RGS7: variants seen among roughly 807,000 people sequenced by gnomAD.
The protein encoded by RGS7 is regulator of G protein signaling 7.
RGS7 carries 27 observed loss-of-function variants against 81.1 expected under a neutral mutation model. The ratio of observed to expected loss-of-function variants is 0.33; its 90% confidence interval spans 0.25 to 0.46. The LOEUF is 0.46. Ranked by LOEUF, RGS7 falls within the 20% of genes least tolerant of loss-of-function variation. RGS7 has a pLI of 1.00. For missense variants in RGS7, 396 were observed against 607.4 expected (o/e 0.65, Z 3.66); for synonymous variants, 208 against 207.7 (o/e 1.00, Z -0.01).
chr1:240,793,617 T>A (rs1380691354), intron 18 of RGS7, among the ~76,000 whole-genome samples: 10 of 101,968 alleles, frequency 9.8e-5, no homozygotes, highest in East Asian at 9.7e-4. Flanking sequence ...ATATATTTTT[T>A]TTTTTTTTTT....
chr1:241,005,028 G>A (rs963246397), intron 3 of RGS7, among the ~76,000 whole-genome samples: 4 of 152,102 alleles, frequency 2.6e-5, no homozygotes, highest in African/African-American at 9.7e-5. Context: ...ACAGACTTAA[G>A]AACAGCCGCC....
chr1:241,094,238 AACACACACAC>A (rs149481776), intron 3 of RGS7, among the ~76,000 whole-genome samples: 39 of 136,464 alleles, frequency 2.9e-4, no homozygotes, highest in African/African-American at 8.1e-4. Flanking sequence ...GACATACATA[AACACACACAC>A]ACACACACAC....
intron 5 of RGS7, 85 bp downstream of exon 5, chr1:240,936,515 A>C: frequency 9.8e-7 from 1 of 1,015,806 alleles, no homozygotes; most frequent in East Asian, 2.4e-5. Flanking sequence ...CATAGTTTTT[A>C]AAAGTTCTGT....
chr1:240,781,576 A>G (rs1684097596), intron 18 of RGS7, among the ~76,000 whole-genome samples: 1 of 152,064 alleles, frequency 6.6e-6, no homozygotes, highest in African/African-American at 2.4e-5. Context: ...CACTGCACTC[A>G]TCCTGGGTGA....
chr1:240,984,321 T>C lies in RGS7; in HGVS notation c.176-1192A>G, dbSNP rs547089128. ...CAAAAAGAAGGCAAGGCAGTCGACA[T>C]GTCTACTAGTTGCAATCCAAGGATG... On this transcript the variant is annotated intron_variant, in intron 3 of 18. Coordinates refer to ENST00000440928, the MANE Select transcript of RGS7 (RefSeq NM_001364886.1). 1.3e-5 allele frequency among the ~76,000 whole-genome samples: 2 copies of C among 152,286 alleles called. 1 individual carries two copies. Among genetic ancestry groups the C allele is most frequent in the African/African-American group, 4.8e-5 (2 of 41,566 alleles).
chr1:240,845,865 A>G (rs1329464108), intron 9 of RGS7, among the ~76,000 whole-genome samples: 1 of 152,196 alleles, frequency 6.6e-6, no homozygotes, highest in Non-Finnish European at 1.5e-5. Context: ...TAAAAGGGAC[A>G]ATGCTGGAAA....
intron 9 of RGS7, among the ~76,000 whole-genome samples, chr1:240,853,029 T>TTAG (rs1275434168): frequency 1.3e-5 from 2 of 152,214 alleles, no homozygotes; most frequent in African/African-American, 4.8e-5. Flanking sequence ...AACCACACAA[T>TTAG]TACATAAATC....
intron 2 of RGS7, among the ~76,000 whole-genome samples, chr1:241,242,970 T>C (rs1402245331): frequency 1.3e-5 from 2 of 151,714 alleles, no homozygotes; most frequent in Non-Finnish European, 3.0e-5. Context: ...GCTGGGCAGA[T>C]TTTTTTAGTT....
chr1:240,781,272 G>A (rs1208262282), intron 18 of RGS7, among the ~76,000 whole-genome samples: 1 of 152,158 alleles, frequency 6.6e-6, no homozygotes, highest in Non-Finnish European at 1.5e-5. Context: ...GCATAACAAT[G>A]GGCAAAAATG....
At chr1:241,242,105 C>A (rs1165518505) in intron 2 of RGS7, among the ~76,000 whole-genome samples, 1 of 152,106 alleles carries the variant, frequency 6.6e-6, no homozygotes, top group East Asian at 1.9e-4. Context: ...CTACTGCCCC[C>A]CACCCTTTCC....
chr1:241,349,185 G>T (rs1314229787), intron 2 of RGS7, among the ~76,000 whole-genome samples: 1 of 152,124 alleles, frequency 6.6e-6, no homozygotes, highest in East Asian at 1.9e-4. Flanking sequence ...TGCAGTGAAA[G>T]AAGTTAGGTC....
At chr1:241,034,957 C>T (rs2060254320) in intron 3 of RGS7, among the ~76,000 whole-genome samples, 1 of 152,132 alleles carries the variant, frequency 6.6e-6, no homozygotes, top group Non-Finnish European at 1.5e-5. Flanking sequence ...TCCAACCCTC[C>T]ACTTCTTCTC....
At chr1:240,819,373 T>C (rs1691372329) in intron 10 of RGS7, among the ~76,000 whole-genome samples, 2 of 152,204 alleles carry the variant, frequency 1.3e-5, no homozygotes, top group Admixed American at 1.3e-4. Context: ...AGTAAAATGA[T>C]CTATAAGTTA....
intron 2 of RGS7, among the ~76,000 whole-genome samples, chr1:241,325,554 T>C (rs529159883): frequency 6.6e-6 from 1 of 152,326 alleles, no homozygotes; most frequent in East Asian, 1.9e-4. Flanking sequence ...AAACCTGCTT[T>C]CAAATAAATC....
At chr1:240,924,253 A>AG (rs1674056650) in intron 6 of RGS7, among the ~76,000 whole-genome samples, 1 of 152,216 alleles carries the variant, frequency 6.6e-6, no homozygotes, top group South Asian at 2.1e-4. Flanking sequence ...CATGTATGAA[A>AG]GATGTATTGA....
At chr1:241,152,263 A>G (rs535736011) in intron 2 of RGS7, among the ~76,000 whole-genome samples, 1 of 152,316 alleles carries the variant, frequency 6.6e-6, no homozygotes, top group South Asian at 2.1e-4. Context: ...CAACAACAAC[A>G]AAAACCCCAT....
rs35903618 is a variant in RGS7, at chr1:241,341,870, C to CTTTT, written c.78+13825_78+13828dup. On this transcript the variant is annotated intron_variant, in intron 2 of 18. Coordinates refer to ENST00000440928, the MANE Select transcript of RGS7 (RefSeq NM_001364886.1). ...AGGTACAAGTAGACACTCTTCAACT[C>CTTTT]TTTTTTTTTTTTTTTTTTTTTTTTG... 4.0e-3 allele frequency among the ~76,000 whole-genome samples: 362 copies of CTTTT among 89,512 alleles called. 5 individuals carry two copies. The highest frequency in any genetic ancestry group is 7.0e-3 in the Middle Eastern group (1 of 142). 58.7% of individuals were successfully genotyped at this position (89,512 alleles called of 152,430 possible). A position where few individuals can be genotyped will look rare whatever the true frequency, so the allele number is the denominator to read the frequency against.
At chr1:241,083,860 T>G (rs1479161383) in intron 3 of RGS7, among the ~76,000 whole-genome samples, 1 of 152,194 alleles carries the variant, frequency 6.6e-6, no homozygotes, top group Non-Finnish European at 1.5e-5. Context: ...AGAACCCATT[T>G]TAGTCATTCC....
chr1:241,265,808 T>A lies in RGS7; in HGVS notation c.78+89891A>T, dbSNP rs937211294. Among the ~76,000 whole-genome samples, 19 of 150,014 alleles carry A rather than the reference T, an allele frequency of 1.3e-4. No individual in the cohort carries two copies. In the South Asian group the frequency reaches 3.2e-3, roughly 25 times the overall value. Reference sequence around the variant, plus strand: ...GTCCTTTTTTTTTTTTTTTTTTTTTTTTTTAGACAGAGTTTTGCTCTTGTT... The same window carrying A: ...GTCCTTTTTTTTTTTTTTTTTTTTTATTTTAGACAGAGTTTTGCTCTTGTT... On this transcript the variant is annotated intron_variant, in intron 2 of 18. Transcript: ENST00000440928.
Sources: gnomAD v4.1 joint callset for allele counts (sites outside exome capture counted in the v4.1 genomes callset) on GRCh38, gnomAD v4.1.1 for gene constraint, MANE v1.5 for transcripts, NCBI Gene and HGNC (gene_info 2026-07-23, HGNC 2026-07-21) for gene names.